ATRNL1: variants seen among roughly 807,000 people sequenced by gnomAD.
ATRNL1 encodes attractin like 1, also known as attractin-like protein 1.
In ATRNL1, 95 loss-of-function variants were observed where a neutral mutation model predicts 182.7. The ratio of observed to expected loss-of-function variants is 0.52; its 90% CI spans 0.44 to 0.62. The LOEUF (loss-of-function observed/expected upper bound fraction) is 0.62, where lower values mean the gene tolerates loss of function less well. Ranked by LOEUF, ATRNL1 falls within the 20% of genes least tolerant of loss-of-function variation. The probability of loss-of-function intolerance (pLI) is 0.00; values close to 1 mark genes in which losing one functional copy is unlikely to be tolerated. For missense variants in ATRNL1, 1,471 were observed against 1,679.5 expected, an observed-to-expected ratio of 0.88 and a Z score of 2.17; for synonymous variants, 576 against 568.3, an observed-to-expected ratio of 1.01 and a Z score of -0.19.
intron 25 of ATRNL1, among the ~76,000 whole-genome samples, chr10:115,521,138 T>G (rs1050392332): frequency 6.7e-6 from 1 of 148,952 alleles, no homozygotes; most frequent in African/African-American, 2.5e-5. Flanking sequence ...TAAAACAACT[T>G]TTGTTGTTGT....
intron 19 of ATRNL1, among the ~76,000 whole-genome samples, chr10:115,346,446 CCTTT>C (rs1449815177): frequency 2.0e-5 from 3 of 152,144 alleles, no homozygotes; most frequent in Non-Finnish European, 1.5e-5. Flanking sequence ...GACTGTCTTT[CCTTT>C]CTAAGGTTGA....
chr10:115,283,442 T>C (rs931361063), intron 14 of ATRNL1, among the ~76,000 whole-genome samples: 2 of 152,098 alleles, frequency 1.3e-5, no homozygotes, highest in African/African-American at 2.4e-5. Context: ...AAACACACCA[T>C]TGAGGCGCTG....
chr10:115,277,317 A>G (rs894390902), intron 13 of ATRNL1, among the ~76,000 whole-genome samples: 8 of 152,102 alleles, frequency 5.3e-5, no homozygotes, highest in African/African-American at 9.6e-5. Context: ...TTTATCTGCT[A>G]CTTTACAGTA....
At chr10:115,516,339 C>T (rs1282987596) in intron 24 of ATRNL1, among the ~76,000 whole-genome samples, 1 of 151,770 alleles carries the variant, frequency 6.6e-6, no homozygotes. Context: ...CTTCATTCAC[C>T]TGTCAAATCT....
chr10:115,758,445 C>T (rs1275075774), intron 27 of ATRNL1, among the ~76,000 whole-genome samples: 2 of 152,166 alleles, frequency 1.3e-5, no homozygotes, highest in African/African-American at 4.8e-5. Flanking sequence ...GCCTGGGTAT[C>T]ACCAGTGGAG....
intron 27 of ATRNL1, among the ~76,000 whole-genome samples, chr10:115,733,991 A>T (rs985592217): frequency 2.0e-5 from 3 of 151,980 alleles, no homozygotes; most frequent in Non-Finnish European, 4.4e-5. Context: ...TTTTATAGTG[A>T]TTTTGCATTC....
At chr10:115,410,953 G>C (rs1008672389) in intron 20 of ATRNL1, among the ~76,000 whole-genome samples, 1 of 151,910 alleles carries the variant, frequency 6.6e-6, no homozygotes, top group African/African-American at 2.4e-5. Flanking sequence ...GGCCAGGCTG[G>C]TCTCAAACTC....
chr10:115,468,309 T>C (rs552501791), intron 23 of ATRNL1, among the ~76,000 whole-genome samples: 6 of 150,828 alleles, frequency 4.0e-5, no homozygotes, highest in Non-Finnish European at 7.5e-5. Flanking sequence ...TTTAGAACAA[T>C]AATTTTAGTA....
intron 27 of ATRNL1, among the ~76,000 whole-genome samples, chr10:115,838,387 A>G (rs1319447981): frequency 3.3e-5 from 5 of 152,328 alleles, no homozygotes; most frequent in South Asian, 2.1e-4. Context: ...GTCACAGCAC[A>G]CTGACAGCAA....
intron 25 of ATRNL1, among the ~76,000 whole-genome samples, chr10:115,525,781 C>A (rs1409313495): frequency 1.3e-5 from 2 of 152,168 alleles, no homozygotes; most frequent in Non-Finnish European, 2.9e-5. Flanking sequence ...GGTATTACAT[C>A]TCTGTGGTCC....
At chr10:115,375,127 T>G (rs1052040646) in intron 19 of ATRNL1, among the ~76,000 whole-genome samples, 15 of 151,866 alleles carry the variant, frequency 9.9e-5, no homozygotes, top group Admixed American at 6.6e-5. Flanking sequence ...TTTTCAGATC[T>G]ATTAATATTT....
intron 18 of ATRNL1, among the ~76,000 whole-genome samples, chr10:115,332,421 A>G (rs913485883): frequency 3.3e-5 from 5 of 152,120 alleles, no homozygotes; most frequent in Non-Finnish European, 7.4e-5. Context: ...GGAGAAACCT[A>G]TTTTGCTGTT....
chr10:115,112,734 A>C (rs1257319518), intron 1 of ATRNL1, among the ~76,000 whole-genome samples: 16 of 152,218 alleles, frequency 1.1e-4, no homozygotes, highest in Admixed American at 7.2e-4. Flanking sequence ...TGAAGCCTGC[A>C]GCAGGAGACT....
At chr10:115,253,491 G>C (rs1273824199) in intron 10 of ATRNL1, among the ~76,000 whole-genome samples, 1 of 152,042 alleles carries the variant, frequency 6.6e-6, no homozygotes, top group Non-Finnish European at 1.5e-5. Flanking sequence ...GATCTGGGCA[G>C]CATATATCCA....
rs1466218726 is a variant in ATRNL1, at chr10:115,093,531, G to GA, written c.-219dup. The GA allele has an allele frequency of 1.8e-5, 12 of 679,540 alleles. No individual in the cohort carries two copies. In the African/African-American group the frequency reaches 2.2e-4, roughly 13 times the overall value. 42.1% of individuals were successfully genotyped at this position (679,540 alleles called of 1,614,324 possible). Reference sequence around the variant, plus strand: ...GTCGGCCCGCTAAGGACAAGGTCGGGAGACTGGGTGGCGATGCCCGAGTGC... The same window carrying GA: ...GTCGGCCCGCTAAGGACAAGGTCGGGAAGACTGGGTGGCGATGCCCGAGTGC... On this transcript the variant is annotated 5_prime_UTR_variant, in exon 1 of 29. Transcript: ENST00000355044. This position sits in a 1 kb window ranked among gnomAD's most constrained non-coding sequence, Gnocchi z 6.1.
intron 26 of ATRNL1, among the ~76,000 whole-genome samples, chr10:115,555,621 C>T (rs570626064): frequency 2.0e-5 from 3 of 151,810 alleles, no homozygotes; most frequent in African/African-American, 4.8e-5. Flanking sequence ...CAGCAATGAA[C>T]AAGCCAAATA....
chr10:115,920,023 C>G (rs782586574), intron 28 of ATRNL1, among the ~76,000 whole-genome samples: 2 of 152,090 alleles, frequency 1.3e-5, no homozygotes, highest in Non-Finnish European at 2.9e-5. Context: ...ACTCAATAAC[C>G]CTGTAAATTG....
intron 26 of ATRNL1, among the ~76,000 whole-genome samples, chr10:115,556,629 A>G (rs2133825279): frequency 6.6e-6 from 1 of 152,280 alleles, no homozygotes; most frequent in Middle Eastern, 3.4e-3. Flanking sequence ...CCTTCTTTAT[A>G]AGGTGTTTAG....
chr10:115,878,814 C>T (rs1181450655), intron 28 of ATRNL1, among the ~76,000 whole-genome samples: 1 of 152,150 alleles, frequency 6.6e-6, no homozygotes, highest in African/African-American at 2.4e-5. Flanking sequence ...CTCCTTCGCC[C>T]AGCAGCAACA....
Sources: allele counts gnomAD v4.1 joint callset (sites outside exome capture counted in the v4.1 genomes callset), GRCh38; gene constraint gnomAD v4.1.1; non-coding constraint Gnocchi (gnomAD v3.1); transcripts MANE v1.5; gene names NCBI Gene and HGNC (gene_info 2026-07-23, HGNC 2026-07-21).